Variants in SEMA3A observed in about 807,000 individuals in gnomAD.
SEMA3A encodes semaphorin 3A, also known as semaphorin-3A.
SEMA3A carries 29 observed loss-of-function variants against 97.9 expected under a neutral mutation model. That is an observed-to-expected ratio of 0.30 (90% confidence interval 0.22 to 0.40). The LOEUF is 0.40. SEMA3A is among the 10% of genes least tolerant of loss of function. The pLI, the probability that SEMA3A is intolerant of heterozygous loss-of-function variation, is 1.00. For missense variants in SEMA3A, 763 were observed against 951.3 expected, an observed-to-expected ratio of 0.80 and a Z score of 2.60; for synonymous variants, 321 against 323.7, an observed-to-expected ratio of 0.99 and a Z score of 0.09.
intron 3 of SEMA3A, among the ~76,000 whole-genome samples, chr7:84,276,164 T>G (rs150071066): frequency 4.7e-4 from 72 of 152,096 alleles, no homozygotes; most frequent in Non-Finnish European, 7.9e-4. Flanking sequence ...TCAATAAATA[T>G]TTATTGAGTG....
At chr7:84,417,852 A>G (rs1471935192) in intron 1 of SEMA3A, among the ~76,000 whole-genome samples, 2 of 152,100 alleles carry the variant, frequency 1.3e-5, no homozygotes, top group Non-Finnish European at 2.9e-5. Context: ...CAGAATTATG[A>G]CTGAAAGCTG....
intron 12 of SEMA3A, among the ~76,000 whole-genome samples, chr7:83,995,943 T>C (rs1014299991): frequency 1.3e-5 from 2 of 152,202 alleles, no homozygotes; most frequent in African/African-American, 4.8e-5. Flanking sequence ...AATTAAACTC[T>C]TTCATTTGTC....
intron 2 of SEMA3A, among the ~76,000 whole-genome samples, chr7:84,328,628 G>T (rs1051619908): frequency 6.6e-6 from 1 of 151,936 alleles, no homozygotes; most frequent in Non-Finnish European, 1.5e-5. Context: ...ACAACCTATG[G>T]TAAATTTATA....
intron 1 of SEMA3A, among the ~76,000 whole-genome samples, chr7:84,391,045 A>C (rs935738011): frequency 6.6e-6 from 1 of 152,154 alleles, no homozygotes; most frequent in Non-Finnish European, 1.5e-5. Context: ...TTCAAAACTT[A>C]GAGCTTGGCA....
intron 4 of SEMA3A, among the ~76,000 whole-genome samples, chr7:84,094,639 A>G (rs1794699135): frequency 6.6e-6 from 1 of 152,136 alleles, no homozygotes; most frequent in Non-Finnish European, 1.5e-5. Flanking sequence ...GTGATAGTGG[A>G]ATCTATGTTT....
At chr7:84,060,036 A>C (rs1246927069) in intron 5 of SEMA3A, among the ~76,000 whole-genome samples, 1 of 152,318 alleles carries the variant, frequency 6.6e-6, no homozygotes, top group African/African-American at 2.4e-5. Context: ...TGGTTACAGA[A>C]AAAGGTAGAG....
rs370006792 is a variant in SEMA3A, at chr7:84,412,565, A to C, written c.-245-40665T>G. ...TGATACAGAAATGGTTCAAAGTAAT[A>C]GGCAAATAAAACAAGAGCTAGATCA... is the stretch of plus-strand genomic sequence containing the variant. On this transcript the variant is annotated intron_variant, in intron 1 of 3. Transcript: ENST00000424555. Among the ~76,000 whole-genome samples the C allele has an allele frequency of 6.6e-5, 10 of 152,312 alleles. 2 individuals carry two copies. Among genetic ancestry groups the C allele is most frequent in the Admixed American group, 6.5e-5 (1 of 15,284 alleles).
chr7:84,433,572 A>C (rs1337649232), intron 1 of SEMA3A, among the ~76,000 whole-genome samples: 1 of 152,090 alleles, frequency 6.6e-6, no homozygotes, highest in Non-Finnish European at 1.5e-5. Context: ...AATGATTTAT[A>C]ATGCTTTTGG....
At chr7:84,492,012 C>T (rs1806746885) in intron 1 of SEMA3A, among the ~76,000 whole-genome samples, 1 of 152,024 alleles carries the variant, frequency 6.6e-6, no homozygotes, top group Non-Finnish European at 1.5e-5. Flanking sequence ...TACGCAAATT[C>T]CTCACATTAA....
chr7:83,981,395 C>T lies in SEMA3A; in HGVS notation c.1578G>A (p.Glu526=). Residue 526 remains glutamate, a synonymous_variant, in exon 14 of 17, where the codon GAG becomes GAA. Transcript: ENST00000265362. ...AGTAAGGGTCTCGGGCGAGGCAACA[C>T]TCAGCACACGCTTTCCCGTAAATAT... is the stretch of plus-strand genomic sequence containing the variant. ...RCDIYGKACA[E]CCLARDPYCA... The T allele has an allele frequency of 6.2e-7, 1 of 1,614,018 alleles. No individual in the cohort carries two copies. The highest frequency in any genetic ancestry group is 2.2e-5 in the East Asian group (1 of 44,856).
At chr7:84,411,020 C>T (rs1804250377) in intron 1 of SEMA3A, among the ~76,000 whole-genome samples, 1 of 152,026 alleles carries the variant, frequency 6.6e-6, no homozygotes, top group African/African-American at 2.4e-5. Context: ...GGAATATAAA[C>T]TTTCAGTAGG....
chr7:84,315,421 A>G (rs1322524396), intron 2 of SEMA3A, among the ~76,000 whole-genome samples: 1 of 152,174 alleles, frequency 6.6e-6, no homozygotes, highest in African/African-American at 2.4e-5. Context: ...TTTGAGCTCT[A>G]TTTTTAAAAT....
intron 1 of SEMA3A, among the ~76,000 whole-genome samples, chr7:84,185,117 ACTTTT>A (rs1197679540): frequency 6.6e-6 from 1 of 152,188 alleles, no homozygotes; most frequent in Non-Finnish European, 1.5e-5. Flanking sequence ...ACGGTATATG[ACTTTT>A]CTTGTACTTG....
chr7:84,437,986 TA>T (rs1294459092), intron 1 of SEMA3A, among the ~76,000 whole-genome samples: 3 of 152,134 alleles, frequency 2.0e-5, no homozygotes, highest in Non-Finnish European at 4.4e-5. Context: ...ACTTGCTGGC[TA>T]AAAAGATAAA....
Position 84,430,703 on chromosome 7 carries a change from G to T in SEMA3A, c.-245-58803C>A, listed in dbSNP as rs372085536. ...TATTTGGGAAACAGGTTGGCTGAGA[G>T]AGCCAGGCATATAATATAAGTTCAA... On this transcript the variant is annotated intron_variant, in intron 1 of 3. Transcript: ENST00000424555. 6.8e-4 allele frequency among the ~76,000 whole-genome samples: 104 copies of T among 152,040 alleles called. 1 individual carries two copies. Among genetic ancestry groups the T allele is most frequent in the African/African-American group, 2.3e-3 (96 of 41,530 alleles).
Position 84,321,886 on chromosome 7 carries a change from AAAAAAAAAAAAAAG to A in SEMA3A, c.-168-14608_-168-14595del, listed in dbSNP as rs1474953809. Among the ~76,000 whole-genome samples the A allele has an allele frequency of 3.6e-4, 50 of 139,890 alleles. 1 individual carries two copies. The highest frequency in any genetic ancestry group is 3.5e-3 in the Middle Eastern group (1 of 286). 91.8% of individuals were successfully genotyped at this position (139,890 alleles called of 152,430 possible). ...GCGAGACTACGGAAAAAAAAAAAAAAAAAAAAAAAAAAAGAAGAAGAAGAAGGAGGAAATACCTG... is the reference window on the plus strand; with the variant it reads ...GCGAGACTACGGAAAAAAAAAAAAAAAAGAAGAAGAAGGAGGAAATACCTG... On this transcript the variant is annotated intron_variant, in intron 2 of 3. Transcript: ENST00000424555.
intron 1 of SEMA3A, among the ~76,000 whole-genome samples, chr7:84,463,081 C>T (rs1358879461): frequency 6.6e-6 from 1 of 151,910 alleles, no homozygotes; most frequent in Non-Finnish European, 1.5e-5. Context: ...TTTGAATAAC[C>T]ACCAAAGTAC....
intron 1 of SEMA3A, among the ~76,000 whole-genome samples, chr7:84,185,692 G>GAAAAAAAAAAAAAAAAAAAAAGAAAAA (rs1797859719): frequency 1.3e-5 from 1 of 78,132 alleles, no homozygotes; most frequent in Non-Finnish European, 2.3e-5. Flanking sequence ...ACTCTGGCAG[G>GAAAAAAAAAAAAAAAAAAAAAGAAAAA]AAAAAAAAAA....
chr7:84,063,112 CT>C (rs1793318172), intron 4 of SEMA3A, among the ~76,000 whole-genome samples: 1 of 152,040 alleles, frequency 6.6e-6, no homozygotes, highest in African/African-American at 2.4e-5. Context: ...TCCCTGACCC[CT>C]GACCCCTAAG....
Sources: gnomAD v4.1 joint callset for allele counts (sites outside exome capture counted in the v4.1 genomes callset) on GRCh38, gnomAD v4.1.1 for gene constraint, MANE v1.5 for transcripts, NCBI Gene and HGNC (gene_info 2026-07-23, HGNC 2026-07-21) for gene names.